The following LAMC1 variants were observed in gnomAD, a reference collection of about 807,000 sequenced individuals.
LAMC1 encodes the protein laminin subunit gamma-1.
LAMC1 carries 38 observed loss-of-function variants against 173.6 expected under a neutral mutation model. That is an observed-to-expected ratio of 0.22 (90% CI 0.17 to 0.29). The LOEUF (loss-of-function observed/expected upper bound fraction) is 0.29. Among genes scored for constraint, LAMC1 ranks in the 10% least tolerant of loss-of-function variants. LAMC1 has a pLI of 1.00. For synonymous variants in LAMC1, 746 were observed against 749.1 expected, an observed-to-expected ratio of 1.00 and a Z score of 0.07; for missense variants, 1,824 against 2,051.8, an observed-to-expected ratio of 0.89 and a Z score of 2.14.
chr1:183,077,478 G>C lies in LAMC1; in HGVS notation c.419-25850G>C, dbSNP rs577034460. On this transcript the variant is annotated intron_variant, in intron 1 of 27. Coordinates refer to ENST00000258341, the MANE Select transcript of LAMC1 (RefSeq NM_002293.4). ...TTTGGTTACATGAATAAGTTCTTTAGTGGTGATTTGTCAGATTTTGGTGCA... is the reference window on the plus strand; with the variant it reads ...TTTGGTTACATGAATAAGTTCTTTACTGGTGATTTGTCAGATTTTGGTGCA... Among the ~76,000 whole-genome samples, 253 of 152,068 alleles carry C rather than the reference G, an allele frequency of 1.7e-3. 3 individuals carry two copies. The highest frequency in any genetic ancestry group is 5.0e-3 in the African/African-American group (208 of 41,494).
intron 12 of LAMC1, 51 bp from the exon 13 acceptor site, chr1:183,122,012 T>C: frequency 1.2e-6 from 2 of 1,607,678 alleles, no homozygotes; most frequent in Non-Finnish European, 1.7e-6. Context: ...GTGCTCATTG[T>C]CTTATATACT....
At chr1:183,140,184 C>A (rs2102116142) in intron 26 of LAMC1, among the ~76,000 whole-genome samples, 1 of 122,156 alleles carries the variant, frequency 8.2e-6, no homozygotes, top group South Asian at 2.8e-4. Flanking sequence ...ACTGCCTAGT[C>A]ATAACTTTGA....
chr1:183,106,883 C>T (rs1204427645), intron 2 of LAMC1, among the ~76,000 whole-genome samples: 2 of 152,140 alleles, frequency 1.3e-5, no homozygotes, highest in Non-Finnish European at 2.9e-5. Context: ...TGTCAAGCCT[C>T]TGCTTATGTC....
intron 1 of LAMC1, among the ~76,000 whole-genome samples, chr1:183,066,250 C>T (rs1037638236): frequency 6.6e-6 from 1 of 152,174 alleles, no homozygotes; most frequent in African/African-American, 2.4e-5. Flanking sequence ...AGACAATTGA[C>T]ATTATGCCAT....
intron 1 of LAMC1, among the ~76,000 whole-genome samples, 179 bp downstream of exon 1, chr1:183,024,313 A>G (rs1653623514): frequency 1.3e-5 from 2 of 152,078 alleles, no homozygotes; most frequent in East Asian, 3.9e-4. Context: ...TGCTTTTAAC[A>G]TCCCGTGAGG....
chr1:183,136,157 C>T (rs941965596), intron 24 of LAMC1, among the ~76,000 whole-genome samples: 2 of 152,184 alleles, frequency 1.3e-5, no homozygotes, highest in Non-Finnish European at 2.9e-5. Context: ...TTTTAAAGCA[C>T]ATTGTTGAAG....
In LAMC1 at chr1:183,121,878, G is replaced by C. The variant is rs754840077; in HGVS notation, c.2146G>C (p.Gly716Arg). The change falls in exon 12 of 28, where the codon GGA becomes CGA. Residue 716 changes from glycine to arginine, a missense_variant. Transcript: ENST00000258341. Reference protein sequence around the residue: ...SGYRRETPNLGPYSPCVLCAC... With the variant: ...SGYRRETPNLRPYSPCVLCAC... ...TTACAGAAGAGAAACTCCTAATCTT[G>C]GACCATACAGTCCATGTGTGCTTTG... 4 of 1,614,030 alleles carry C rather than the reference G, an allele frequency of 2.5e-6. No individual in the cohort carries two copies. The African/African-American group carries it at 5.3e-5, about 22-fold the overall frequency.
chr1:183,038,239 T>C (rs1654034939), intron 1 of LAMC1, among the ~76,000 whole-genome samples: 1 of 152,136 alleles, frequency 6.6e-6, no homozygotes, highest in Admixed American at 6.5e-5. Flanking sequence ...TTCTACCATG[T>C]TGGCCAGGCT....
At chr1:183,064,340 A>G (rs750007408) in intron 1 of LAMC1, among the ~76,000 whole-genome samples, 9 of 152,206 alleles carry the variant, frequency 5.9e-5, no homozygotes, top group Admixed American at 1.3e-4. Flanking sequence ...GGGATGGCCT[A>G]TTGGTCCTAG....
At chr1:183,049,232 T>G (rs988432303) in intron 1 of LAMC1, among the ~76,000 whole-genome samples, 1 of 152,210 alleles carries the variant, frequency 6.6e-6, no homozygotes, top group African/African-American at 2.4e-5. Flanking sequence ...ATGCCATCTA[T>G]AGCATCCCCA....
At chr1:183,031,995 G>T (rs961976748) in intron 1 of LAMC1, among the ~76,000 whole-genome samples, 6 of 152,154 alleles carry the variant, frequency 3.9e-5, no homozygotes, top group South Asian at 2.1e-4. Flanking sequence ...CCTTTCTTGT[G>T]ATATAAAGTT....
intron 1 of LAMC1, among the ~76,000 whole-genome samples, chr1:183,045,749 A>G (rs1354578670): frequency 6.6e-6 from 1 of 152,016 alleles, no homozygotes; most frequent in Non-Finnish European, 1.5e-5. Context: ...TGTTTCCCAG[A>G]GTGATCGTGC....
chr1:183,137,567 A>C, intron 25 of LAMC1, 102 bp from the exon 26 acceptor site: 1 of 606,414 alleles, frequency 1.6e-6, no homozygotes. Context: ...TTATTTCTGG[A>C]TTATATTTTT....
intron 19 of LAMC1, 126 bp from the exon 20 acceptor site, chr1:183,131,172 CA>C (rs3065304): frequency 0.086 from 34,105 of 395,752 alleles, 1 homozygote; most frequent in Middle Eastern, 0.14. Context: ...GAAACTATCT[CA>C]AAAAAAAAAA....
At chr1:183,035,109 A>G (rs189758403) in intron 1 of LAMC1, among the ~76,000 whole-genome samples, 3 of 152,310 alleles carry the variant, frequency 2.0e-5, no homozygotes, top group Admixed American at 1.3e-4. Context: ...CTGATAGACC[A>G]CTGCTTTAGG....
intron 1 of LAMC1, among the ~76,000 whole-genome samples, chr1:183,051,018 T>C (rs1654412981): frequency 6.8e-6 from 1 of 146,326 alleles, no homozygotes; most frequent in African/African-American, 2.5e-5. Flanking sequence ...GAGAATTACC[T>C]TTCCTCTTCT....
chr1:183,061,214 C>T (rs1654738154), intron 1 of LAMC1, among the ~76,000 whole-genome samples: 1 of 152,142 alleles, frequency 6.6e-6, no homozygotes, highest in Non-Finnish European at 1.5e-5. Flanking sequence ...GGTTCCCAGC[C>T]CCCATACTCC....
At chr1:183,114,479 C>A in intron 4 of LAMC1, 52 bp from the exon 5 acceptor site, 1 of 1,566,492 alleles carries the variant, frequency 6.4e-7, no homozygotes, top group Non-Finnish European at 8.8e-7. Context: ...TCTTAAAATG[C>A]TCTTCTTAAA....
intron 1 of LAMC1, among the ~76,000 whole-genome samples, chr1:183,026,374 G>T (rs1051956533): frequency 2.0e-5 from 3 of 152,112 alleles, no homozygotes; most frequent in Non-Finnish European, 2.9e-5. Flanking sequence ...AAAGGTTTGT[G>T]TGTAGTGAGG....
Sources: gnomAD v4.1 joint callset for allele counts (sites outside exome capture counted in the v4.1 genomes callset) on GRCh38, gnomAD v4.1.1 for gene constraint, MANE v1.5 for transcripts, NCBI Gene and HGNC (gene_info 2026-07-23, HGNC 2026-07-21) for gene names.